The following SLC12A2 variants were observed in gnomAD, a reference collection of about 807,000 sequenced individuals.
SLC12A2 encodes Na-K-2Cl cotransporter 1.
Under a neutral mutation model 136.3 loss-of-function variants are expected in SLC12A2, and 67 were observed. The ratio of observed to expected loss-of-function variants is 0.49; its 90% CI spans 0.40 to 0.60. The LOEUF (loss-of-function observed/expected upper bound fraction) is 0.60. Ranked by LOEUF, SLC12A2 falls within the 20% of genes least tolerant of loss-of-function variation. SLC12A2 has a pLI of 0.00. For synonymous variants in SLC12A2, 619 were observed against 562.9 expected (o/e 1.10, Z -1.41); for missense variants, 1,322 against 1,534.7 (o/e 0.86, Z 2.32).
At chr5:128,112,668 G>A in intron 1 of SLC12A2, 146 bp from the exon 2 acceptor site, 2 of 523,208 alleles carry the variant, frequency 3.8e-6, no homozygotes, top group Non-Finnish European at 6.5e-6. Flanking sequence ...CCTTTCCTGG[G>A]GTAAAATATT....
chr5:128,166,038 A>C (rs1288116450), intron 17 of SLC12A2, among the ~76,000 whole-genome samples: 3 of 151,528 alleles, frequency 2.0e-5, no homozygotes, highest in Admixed American at 6.6e-5. Flanking sequence ...ATGGGGGGAA[A>C]ATTTACTTCT....
intron 9 of SLC12A2, among the ~76,000 whole-genome samples, chr5:128,139,881 A>G (rs10060181): frequency 0.35 from 52,582 of 152,134 alleles, 11,700 homozygotes; most frequent in African/African-American, 0.63. Context: ...GTAATAGCAG[A>G]ATTATATTTA....
chr5:128,130,514 CAAAAAAA>C (rs565322518), intron 4 of SLC12A2, among the ~76,000 whole-genome samples: 1 of 81,478 alleles, frequency 1.2e-5, no homozygotes, highest in Non-Finnish European at 2.3e-5. Flanking sequence ...GACTCTGTCT[CAAAAAAA>C]AAAAAAAAAA....
chr5:128,142,192 T>C (rs1194266808), intron 10 of SLC12A2, among the ~76,000 whole-genome samples: 1 of 152,202 alleles, frequency 6.6e-6, no homozygotes, highest in African/African-American at 2.4e-5. Context: ...AAGCTCCGCC[T>C]CCTAGGTTCA....
chr5:128,153,510 ATG>A (rs1762774345), intron 15 of SLC12A2, among the ~76,000 whole-genome samples: 1 of 152,166 alleles, frequency 6.6e-6, no homozygotes, highest in Non-Finnish European at 1.5e-5. Flanking sequence ...AGCCAAGATC[ATG>A]CCACTGCACT....
At chr5:128,112,591 G>A (rs1761192744) in intron 1 of SLC12A2, among the ~76,000 whole-genome samples, 1 of 152,130 alleles carries the variant, frequency 6.6e-6, no homozygotes. Flanking sequence ...TGGATTTACT[G>A]TCATAGTGAG....
At chr5:128,104,648 A>ATAT (rs1049587820) in intron 1 of SLC12A2, among the ~76,000 whole-genome samples, 5 of 141,498 alleles carry the variant, frequency 3.5e-5, no homozygotes, top group African/African-American at 1.4e-4. Context: ...AAGAAAAAAA[A>ATAT]ATATATATAT....
At chr5:128,123,895 C>T (rs531502394) in intron 4 of SLC12A2, among the ~76,000 whole-genome samples, 2 of 152,204 alleles carry the variant, frequency 1.3e-5, no homozygotes, top group East Asian at 3.9e-4. Context: ...TCTGTGTTTT[C>T]TTCTAGAGGT....
Position 128,184,668 on chromosome 5 carries a change from A to G in SLC12A2, c.3436-121A>G, listed in dbSNP as rs1056814754. 1.6e-5 allele frequency: 24 copies of G among 1,498,530 alleles called. No individual in the cohort carries two copies. In the African/African-American group the frequency reaches 3.2e-4, roughly 20 times the overall value. 92.8% of individuals were successfully genotyped at this position (1,498,530 alleles called of 1,614,324 possible). A position where few individuals can be genotyped will look rare whatever the true frequency, so the allele number is the denominator to read the frequency against. On this transcript the variant is annotated intron_variant, in intron 25 of 26. Transcript: ENST00000262461. ...TTTTTAAAAAAAATAAAAATAGAGAACAGATATTTTTATTACACGAAAATT... is the reference window on the plus strand; with the variant it reads ...TTTTTAAAAAAAATAAAAATAGAGAGCAGATATTTTTATTACACGAAAATT...
Position 128,184,853 on chromosome 5 carries a change from T to A in SLC12A2, c.3500T>A (p.Val1167Asp). ...CATTCAAGCACAGCTAATATTATTG[T>A]CATGTAAGTAATATCTTTATAAAGA... ...KEHSSTANII[V>D]MSLPVARKGA... The change falls in exon 26 of 27, where the codon GTC becomes GAC. Residue 1167 changes from valine to aspartate, a missense_variant. Physicochemically the swap from Val to Asp is radical, Grantham distance 152. Coordinates refer to ENST00000262461, the MANE Select transcript of SLC12A2 (RefSeq NM_001046.3). 1 of 1,591,018 alleles carries A rather than the reference T, an allele frequency of 6.3e-7. No homozygotes were observed. The highest frequency in any genetic ancestry group is 8.6e-7 in the Non-Finnish European group (1 of 1,159,660).
chr5:128,188,843 T>C lies in SLC12A2; in HGVS notation c.*2212T>C, dbSNP rs1370871052. ...AGTAGAAATATTATTCAGTAAACAA[T>C]AATGTGTGAACTTTTAAGATGGATA... On this transcript the variant is annotated 3_prime_UTR_variant, in exon 27 of 27. Coordinates refer to ENST00000262461, the MANE Select transcript of SLC12A2 (RefSeq NM_001046.3). 6.6e-6 allele frequency: 1 copy of C among 151,324 alleles called. No homozygotes were observed. Among genetic ancestry groups the C allele is most frequent in the African/African-American group, 2.4e-5 (1 of 41,026 alleles). 9.4% of individuals were successfully genotyped at this position (151,324 alleles called of 1,614,324 possible). A position where few individuals can be genotyped will look rare whatever the true frequency, so the allele number is the denominator to read the frequency against.
At position 128,184,791 on chromosome 5, in the gene SLC12A2, A is replaced by T. The variant is rs1419878952; in HGVS notation, c.3438A>T (p.Thr1146=). The T allele has an allele frequency of 6.2e-7, 1 of 1,610,482 alleles. No homozygotes were observed. The highest frequency in any genetic ancestry group is 1.7e-5 in the Admixed American group (1 of 59,990). The change falls in exon 26 of 27, where the codon ACA becomes ACT. Residue 1146 remains threonine (T), a splice_region_variant and synonymous_variant. Coordinates refer to ENST00000262461, the MANE Select transcript of SLC12A2 (RefSeq NM_001046.3). ...ATGACTGTCCTGTTTCATTTCAGACATACCGGCAGATCAGGTTAAATGAGT... is the reference window on the plus strand; with the variant it reads ...ATGACTGTCCTGTTTCATTTCAGACTTACCGGCAGATCAGGTTAAATGAGT... ...DNELELYKTK[T]YRQIRLNELL...
Position 128,084,043 on chromosome 5 carries a change from C to G in SLC12A2, c.89C>G (p.Ala30Gly), listed in dbSNP as rs761637816. 1.6e-6 allele frequency: 2 copies of G among 1,276,066 alleles called. No homozygotes were observed. Among genetic ancestry groups the G allele is most frequent in the Non-Finnish European group, 9.9e-7 (1 of 1,013,946 alleles). The allele number at this position is 1,276,066 out of a possible 1,614,324, so 79.0% of individuals were successfully genotyped here. Residue 30 changes from alanine (A) to glycine (G), a missense_variant, in exon 1 of 27, where the codon GCC (alanine) becomes GGC (glycine). Physicochemically the swap from Ala to Gly is moderately conservative, Grantham distance 60 (BLOSUM62 0). Transcript: ENST00000262461. This position sits in a 1 kb window ranked among gnomAD's most constrained non-coding sequence, Gnocchi z 5.6. Reference sequence around the variant, plus strand: ...CCGTCAGCCGCTGCGCTGGCCGCAGCCAGGGTGGAACTGCCCGGCACGGCT... The same window carrying G: ...CCGTCAGCCGCTGCGCTGGCCGCAGGCAGGGTGGAACTGCCCGGCACGGCT... ...ETPSAAALAAARVELPGTAVP... is the reference protein window; with the variant it reads ...ETPSAAALAAGRVELPGTAVP...
chr5:128,143,539 C>T (rs1307353992), intron 10 of SLC12A2, among the ~76,000 whole-genome samples: 1 of 151,904 alleles, frequency 6.6e-6, no homozygotes, highest in African/African-American at 2.4e-5. Context: ...TTTAGTCTGC[C>T]AGATTTATGA....
chr5:128,119,327 G>T (rs955915924), intron 4 of SLC12A2, among the ~76,000 whole-genome samples: 1 of 152,132 alleles, frequency 6.6e-6, no homozygotes, highest in Non-Finnish European at 1.5e-5. Context: ...ACTATTCAAA[G>T]GTTGGGGAAC....
chr5:128,153,145 T>G (rs1311364983), intron 15 of SLC12A2, among the ~76,000 whole-genome samples: 1 of 152,238 alleles, frequency 6.6e-6, no homozygotes, highest in Non-Finnish European at 1.5e-5. Flanking sequence ...ACACTAAAAT[T>G]GTTAGTTGTG....
In SLC12A2 at chr5:128,174,596, T is replaced by A; in HGVS notation, c.2859T>A (p.Ser953Arg). 2 of 1,609,468 alleles carry A rather than the reference T, an allele frequency of 1.2e-6. No individual in the cohort carries two copies. Among genetic ancestry groups the A allele is most frequent in the East Asian group, 2.2e-5 (1 of 44,590 alleles). Reference sequence around the variant, plus strand: ...CTGGCACCAAGGATGTGGTAGTAAGTGTGGAATATAGTAAAAAGTCCGATT... The same window carrying A: ...CTGGCACCAAGGATGTGGTAGTAAGAGTGGAATATAGTAAAAAGTCCGATT... ...KSPGTKDVVV[S>R]VEYSKKSDLD... Residue 953 changes from serine (S) to arginine (R), a missense_variant, in exon 20 of 27, where the codon AGT becomes AGA. By Grantham distance (110) the Ser-to-Arg change is moderately radical. Transcript: ENST00000262461.
At position 128,187,098 on chromosome 5, in the gene SLC12A2, A is replaced by C. The variant is rs1763893111; in HGVS notation, c.*467A>C. On this transcript the variant is annotated 3_prime_UTR_variant, in exon 27 of 27. Transcript: ENST00000262461. Reference sequence around the variant, plus strand: ...AAATGAACACTGCTTGTCTTCTTCCATTGACCATTTAGTGTTGAGTACTGT... The same window carrying C: ...AAATGAACACTGCTTGTCTTCTTCCCTTGACCATTTAGTGTTGAGTACTGT... 6.4e-6 allele frequency: 1 copy of C among 156,822 alleles called. No individual in the cohort carries two copies. The highest frequency in any genetic ancestry group is 1.4e-5 in the Non-Finnish European group (1 of 70,452). The allele number at this position is 156,822 out of a possible 1,614,324, so 9.7% of individuals were successfully genotyped here. A position where few individuals can be genotyped will look rare whatever the true frequency, so the allele number is the denominator to read the frequency against.
chr5:128,171,809 A>G, intron 19 of SLC12A2, 63 bp downstream of exon 19: 2 of 965,390 alleles, frequency 2.1e-6, no homozygotes, highest in East Asian at 2.4e-5. Flanking sequence ...TTAGAAAATT[A>G]TATTCTCACA....
Sources: allele counts gnomAD v4.1 joint callset (sites outside exome capture counted in the v4.1 genomes callset), GRCh38; gene constraint gnomAD v4.1.1; non-coding constraint Gnocchi (gnomAD v3.1); transcripts MANE v1.5; gene names NCBI Gene and HGNC (gene_info 2026-07-23, HGNC 2026-07-21).